The following MEI1 variants were observed in gnomAD, a reference collection of about 807,000 sequenced individuals.
MEI1 encodes meiosis inhibitor protein 1.
A neutral mutation model predicts 146.2 loss-of-function variants in MEI1; 103 were observed. The observed-to-expected ratio is 0.70, with a 90% confidence interval of 0.60 to 0.83. MEI1 has a LOEUF of 0.83. Ranked by LOEUF, MEI1 falls within the 40% of genes least tolerant of loss-of-function variation. The pLI is 0.00. For missense variants in MEI1, 1,529 were observed against 1,533.0 expected (o/e 1.00, Z 0.04); for synonymous variants, 652 against 628.2 (o/e 1.04, Z -0.57).
At chr22:41,796,437 G>A (rs991158490) in intron 30 of MEI1, among the ~76,000 whole-genome samples, 3 of 150,450 alleles carry the variant, frequency 2.0e-5, no homozygotes, top group East Asian at 3.9e-4. Context: ...CTTGCGATCT[G>A]CCCCCCTCGG....
intron 18 of MEI1, among the ~76,000 whole-genome samples, chr22:41,759,050 G>T (rs776151055): frequency 6.6e-6 from 1 of 152,194 alleles, no homozygotes; most frequent in Non-Finnish European, 1.5e-5. Context: ...GGCTGAGACA[G>T]GAGAATTGCT....
intron 6 of MEI1, among the ~76,000 whole-genome samples, chr22:41,723,636 A>G (rs996588984): frequency 3.9e-5 from 6 of 152,136 alleles, no homozygotes; most frequent in Non-Finnish European, 8.8e-5. Context: ...GGATGATGTT[A>G]TGTTGAAAAA....
At chr22:41,784,937 A>T (rs1341971183) in intron 26 of MEI1, among the ~76,000 whole-genome samples, 154 bp downstream of exon 26, 1 of 151,282 alleles carries the variant, frequency 6.6e-6, no homozygotes, top group East Asian at 1.9e-4. Flanking sequence ...TTATTTATTT[A>T]TTTATTTATT....
chr22:41,772,019 G>A (rs1602069276), intron 20 of MEI1, among the ~76,000 whole-genome samples: 1 of 152,082 alleles, frequency 6.6e-6, no homozygotes, highest in Admixed American at 6.6e-5. Context: ...ACAGTGTTAG[G>A]TGATTTTGTC....
In MEI1 at chr22:41,748,137, T is replaced by C. The variant is rs2147812859; in HGVS notation, c.1711T>C (p.Leu571=). Residue 571 remains leucine (L), a synonymous_variant, in exon 15 of 31, where the codon TTG becomes CTG. Coordinates refer to ENST00000401548, the MANE Select transcript of MEI1 (RefSeq NM_152513.4). Reference sequence around the variant, plus strand: ...CTTGGAGCAGACCACCCACCCAGCTTTGATGGAAGTTTTCCTCTCAATTCT... The same window carrying C: ...CTTGGAGCAGACCACCCACCCAGCTCTGATGGAAGTTTTCCTCTCAATTCT... ...RHLEQTTHPA[L]MEVFLSILHN... 2 of 1,613,910 alleles carry C rather than the reference T, an allele frequency of 1.2e-6. No individual in the cohort carries two copies. Among genetic ancestry groups the C allele is most frequent in the East Asian group, 2.2e-5 (1 of 44,884 alleles).
At chr22:41,739,471 A>C (rs1053332527) in intron 11 of MEI1, among the ~76,000 whole-genome samples, 5 of 151,936 alleles carry the variant, frequency 3.3e-5, no homozygotes, top group African/African-American at 9.7e-5. Context: ...TTAATTTTAC[A>C]TTGTGAAAGT....
chr22:41,754,413 CTT>C (rs1491147907), intron 17 of MEI1, among the ~76,000 whole-genome samples: 1 of 138,170 alleles, frequency 7.2e-6, no homozygotes, highest in Non-Finnish European at 1.5e-5. Context: ...AGTAGTGTTT[CTT>C]TTTTCTTTTT....
intron 21 of MEI1, among the ~76,000 whole-genome samples, chr22:41,778,201 T>G (rs887130273): frequency 2.6e-5 from 4 of 152,164 alleles, no homozygotes; most frequent in African/African-American, 9.7e-5. Context: ...GGGAGGGAGC[T>G]CCTCGCAGTT....
At position 41,797,181 on chromosome 22, in the gene MEI1, G is replaced by A. The variant is rs575481638; in HGVS notation, c.3779+1334G>A. Among the ~76,000 whole-genome samples, 33 of 151,942 alleles carry A rather than the reference G, an allele frequency of 2.2e-4. 1 individual carries two copies. The South Asian group carries it at 6.8e-3, about 31-fold the overall frequency. ...CCTGGCTAATTTTTGTAGATACAGGGTTTCACCATGTTGCCCAGGCTTGTC... is the reference window on the plus strand; with the variant it reads ...CCTGGCTAATTTTTGTAGATACAGGATTTCACCATGTTGCCCAGGCTTGTC... On this transcript the variant is annotated intron_variant, in intron 30 of 30. Transcript: ENST00000401548.
intron 14 of MEI1, 153 bp downstream of exon 14, chr22:41,746,179 A>T (rs2073274389): frequency 1.7e-6 from 1 of 593,054 alleles, no homozygotes; most frequent in Non-Finnish European, 2.6e-6. Flanking sequence ...CCTTTGTTCT[A>T]AAAATAAAAT....
At chr22:41,798,086 A>G (rs941045565) in intron 30 of MEI1, among the ~76,000 whole-genome samples, 1 of 149,138 alleles carries the variant, frequency 6.7e-6, no homozygotes, top group African/African-American at 2.5e-5. Flanking sequence ...CAGTTGTCCA[A>G]GCGCAGTTGG....
At position 41,730,606 on chromosome 22, in the gene MEI1, A is replaced by G. The variant is rs774913078; in HGVS notation, c.1065A>G (p.Pro355=). The change falls in exon 9 of 31, where the codon CCA becomes CCG. Residue 355 remains proline (P), a synonymous_variant. Coordinates refer to ENST00000401548, the MANE Select transcript of MEI1 (RefSeq NM_152513.4). ...GCTTGACACTCCTGGTAGAAGAGCC[A>G]CTCTTTTTTTCCAAGTGCCACACGG... ...CNCLTLLVEE[P]LFFSKCHTVY... is the part of the protein sequence containing the mutation. 2 of 1,613,272 alleles carry G rather than the reference A, an allele frequency of 1.2e-6. No individual in the cohort carries two copies. Among genetic ancestry groups the G allele is most frequent in the South Asian group, 2.2e-5 (2 of 91,068 alleles).
chr22:41,763,034 C>T (rs2074598835), intron 18 of MEI1, 140 bp from the exon 19 acceptor site: 2 of 814,154 alleles, frequency 2.5e-6, no homozygotes, highest in Admixed American at 2.7e-5. Flanking sequence ...GTATAGCACA[C>T]TGTTTGTCTA....
At chr22:41,763,416 G>C (rs537036132) in intron 19 of MEI1, 95 bp downstream of exon 19, 4 of 1,409,374 alleles carry the variant, frequency 2.8e-6, no homozygotes, top group Non-Finnish European at 3.9e-6. Context: ...ATAGACAAGC[G>C]GGTGGTAGAG....
rs755260810 is a variant in MEI1 at position 41,754,055 on chromosome 22, C to T, written c.1951+9C>T. The T allele has an allele frequency of 6.3e-7, 1 of 1,598,298 alleles. No homozygotes were observed. The highest frequency in any genetic ancestry group is 8.6e-7 in the Non-Finnish European group (1 of 1,165,816). On this transcript the variant is annotated intron_variant, in intron 17 of 30. Coordinates refer to ENST00000401548, the MANE Select transcript of MEI1 (RefSeq NM_152513.4). ...ACCACCTTCCAAAGAAGGTAAGATG[C>T]TACAATTTGACCACTCATGTGGCCT...
At chr22:41,793,289 A>C (rs2076253020) in intron 26 of MEI1, among the ~76,000 whole-genome samples, 1 of 151,630 alleles carries the variant, frequency 6.6e-6, no homozygotes, top group South Asian at 2.1e-4. Flanking sequence ...TCAGCCTCCC[A>C]AAGTGCTGGG....
rs543782907 is a variant in MEI1, at chr22:41,728,092, C to T, written c.865-1573C>T. Reference sequence around the variant, plus strand: ...GCCCTGGCAAACTCCAGTAAGTTGGCCCTGTTCATATGCCAGTTTCACATC... The same window carrying T: ...GCCCTGGCAAACTCCAGTAAGTTGGTCCTGTTCATATGCCAGTTTCACATC... On this transcript the variant is annotated intron_variant, in intron 7 of 30. Coordinates refer to ENST00000401548, the MANE Select transcript of MEI1 (RefSeq NM_152513.4). 6.6e-4 allele frequency among the ~76,000 whole-genome samples: 100 copies of T among 152,312 alleles called. 1 individual carries two copies. The highest frequency in any genetic ancestry group is 2.3e-3 in the African/African-American group (96 of 41,562).
Position 41,790,847 on chromosome 22 carries a change from C to T in MEI1, c.3346-2982C>T, listed in dbSNP as rs184272652. Reference sequence around the variant, plus strand: ...ACCTTGTGATCCGCCCACCTCAGCCCCGAAGTGCTGGGATTACAGGCGTGA... The same window carrying T: ...ACCTTGTGATCCGCCCACCTCAGCCTCGAAGTGCTGGGATTACAGGCGTGA... On this transcript the variant is annotated intron_variant, in intron 26 of 30. Coordinates refer to ENST00000401548, the MANE Select transcript of MEI1 (RefSeq NM_152513.4). Among the ~76,000 whole-genome samples, 40 of 152,180 alleles carry T rather than the reference C, an allele frequency of 2.6e-4. No individual in the cohort carries two copies. In the East Asian group the frequency reaches 6.8e-3, roughly 26 times the overall value.
chr22:41,769,598 A>C (rs542245700), intron 19 of MEI1, among the ~76,000 whole-genome samples: 25 of 151,386 alleles, frequency 1.7e-4, no homozygotes, highest in African/African-American at 5.6e-4. Flanking sequence ...TCAGCCTCCC[A>C]AGTAGCTGGG....
Sources: gnomAD v4.1 joint callset for allele counts (sites outside exome capture counted in the v4.1 genomes callset) on GRCh38, gnomAD v4.1.1 for gene constraint, MANE v1.5 for transcripts, NCBI Gene and HGNC (gene_info 2026-07-23, HGNC 2026-07-21) for gene names.